The following DST variants were observed in gnomAD, a reference collection of about 807,000 sequenced individuals.
DST encodes dystonin, also known as bullous pemphigoid antigen.
In DST, 253 loss-of-function variants were observed where a neutral mutation model predicts 875.2. The ratio of observed to expected loss-of-function variants is 0.29; its 90% CI spans 0.26 to 0.32. The LOEUF (loss-of-function observed/expected upper bound fraction) is 0.32, where lower values mean the gene tolerates loss of function less well. DST is among the 10% of genes least tolerant of loss of function. DST has a pLI of 1.00. For missense variants in DST, 8,287 were observed against 9,111.6 expected (o/e 0.91, Z 3.68); for synonymous variants, 3,124 against 3,197.1 (o/e 0.98, Z 0.77).
intron 3 of DST, among the ~76,000 whole-genome samples, chr6:56,880,001 T>C (rs1781341486): frequency 6.6e-6 from 1 of 152,346 alleles, no homozygotes; most frequent in South Asian, 2.1e-4. Context: ...GATAAAGACA[T>C]TTTTAAAATT....
chr6:56,494,511 T>C (rs753659872), intron 82 of DST, among the ~76,000 whole-genome samples: 3 of 152,128 alleles, frequency 2.0e-5, no homozygotes, highest in Admixed American at 6.6e-5. Context: ...AGTAATTTCA[T>C]CTCTCTGAGC....
intron 30 of DST, 44 bp from the exon 31 acceptor site, chr6:56,630,427 T>C (rs745656953): frequency 3.3e-5 from 51 of 1,560,420 alleles, no homozygotes; most frequent in Non-Finnish European, 3.6e-5. Context: ...GTTAAATGTT[T>C]ATTTTTGCAT....
intron 32 of DST, among the ~76,000 whole-genome samples, chr6:56,628,898 C>CT (rs1285251925): frequency 2.6e-5 from 4 of 152,162 alleles, no homozygotes; most frequent in African/African-American, 9.7e-5. Flanking sequence ...AGAAGCTACA[C>CT]ACAGCCCTAT....
chr6:56,814,459 G>A (rs1474593353), intron 4 of DST, among the ~76,000 whole-genome samples: 1 of 152,182 alleles, frequency 6.6e-6, no homozygotes, highest in Non-Finnish European at 1.5e-5. Flanking sequence ...CCGTCCTGGT[G>A]ACAGAAATAG....
chr6:56,838,576 A>T lies in DST; in HGVS notation c.625+12821T>A, dbSNP rs183522969. On this transcript the variant is annotated intron_variant, in intron 4 of 103. Transcript: ENST00000680361. ...AAACAACAACAAAAAAAAAACCTAG[A>T]AGTTTTAAAAAGCATAAGCCTTCTT... Among the ~76,000 whole-genome samples, 59 of 152,334 alleles carry T rather than the reference A, an allele frequency of 3.9e-4. 1 individual carries two copies. In the South Asian group the frequency reaches 5.4e-3, roughly 14 times the overall value.
At chr6:56,728,601 A>C (rs1302628930) in intron 5 of DST, among the ~76,000 whole-genome samples, 1 of 152,124 alleles carries the variant, frequency 6.6e-6, no homozygotes, top group Non-Finnish European at 1.5e-5. Flanking sequence ...ACCTGAATCC[A>C]GGAGGGAGAG....
intron 50 of DST, among the ~76,000 whole-genome samples, chr6:56,578,543 G>A (rs1187504304): frequency 6.6e-6 from 1 of 152,032 alleles, no homozygotes; most frequent in Admixed American, 6.6e-5. Context: ...TTCCTGTGGT[G>A]GACATTACAT....
intron 4 of DST, among the ~76,000 whole-genome samples, chr6:56,816,398 T>C (rs2099766543): frequency 6.6e-6 from 1 of 152,168 alleles, no homozygotes; most frequent in Non-Finnish European, 1.5e-5. Context: ...CTACAGCCCC[T>C]TTAATATGCC....
intron 9 of DST, among the ~76,000 whole-genome samples, chr6:56,689,177 G>A (rs2099209791): frequency 6.6e-6 from 1 of 152,080 alleles, no homozygotes; most frequent in Non-Finnish European, 1.5e-5. Flanking sequence ...GTTGGGGAGT[G>A]CTTGGAATAT....
rs748463965 is a variant in DST, at chr6:56,536,862, T to C, written c.16687A>G (p.Ser5563Gly). The change falls in exon 62 of 104, where the codon AGT becomes GGT. Residue 5563 changes from serine to glycine, a missense_variant. Coordinates refer to ENST00000680361, the MANE Select transcript of DST (RefSeq NM_001374736.1). ...VNWLGQGLIQ[S>G]AAKSTSTQGL... Reference sequence around the variant, plus strand: ...TGAGTGCTAGTGCTTTTGGCAGCACTCTGAATAAGGCCTTGACCTAACCAG... The same window carrying C: ...TGAGTGCTAGTGCTTTTGGCAGCACCCTGAATAAGGCCTTGACCTAACCAG... 1.2e-6 allele frequency: 2 copies of C among 1,613,650 alleles called. No homozygotes were observed. The highest frequency in any genetic ancestry group is 1.3e-5 in the African/African-American group (1 of 75,054).
intron 4 of DST, among the ~76,000 whole-genome samples, chr6:56,831,215 A>C (rs999995210): frequency 2.0e-5 from 3 of 152,232 alleles, no homozygotes; most frequent in African/African-American, 7.2e-5. Flanking sequence ...CTTATTTCTC[A>C]GTACTAAACC....
chr6:56,721,269 A>G (rs1013294520), intron 5 of DST, among the ~76,000 whole-genome samples: 3 of 152,206 alleles, frequency 2.0e-5, no homozygotes, highest in African/African-American at 7.2e-5. Flanking sequence ...CAGATTTCAT[A>G]TTGTTCAAAC....
At chr6:56,923,463 C>CAAAA (rs57118743) in intron 2 of DST, among the ~76,000 whole-genome samples, 838 of 48,678 alleles carry the variant, frequency 0.017, 71 homozygotes, top group African/African-American at 0.053. Context: ...GGCTCACTGG[C>CAAAA]AAAAAAAAAA....
chr6:56,517,115 GAGA>G lies in DST; in HGVS notation c.18357+80_18357+82del, dbSNP rs2096609192. 2.7e-5 allele frequency: 26 copies of G among 976,664 alleles called. No homozygotes were observed. The South Asian group carries it at 3.5e-4, about 13-fold the overall frequency. The allele number at this position is 976,664 out of a possible 1,614,324, so 60.5% of individuals were successfully genotyped here. A position where few individuals can be genotyped will look rare whatever the true frequency, so the allele number is the denominator to read the frequency against. On this transcript the variant is annotated intron_variant, in intron 71 of 103. Transcript: ENST00000680361. The stretch of plus-strand genomic sequence containing the variant: ...GCTTAAATGGCAGCTGTGGATAACG[GAGA>G]AGTGTTTTTCTAGGACTGAAAGCTC...
chr6:56,627,343 C>T, intron 33 of DST, 56 bp from the exon 34 acceptor site: 2 of 1,212,576 alleles, frequency 1.6e-6, no homozygotes, highest in South Asian at 2.4e-5. Context: ...TATTCTACTA[C>T]ATAAGATGCT....
chr6:56,893,694 G>T (rs1458886187), intron 3 of DST, among the ~76,000 whole-genome samples: 1 of 68,548 alleles, frequency 1.5e-5, no homozygotes, highest in Non-Finnish European at 2.5e-5. Flanking sequence ...AAGGTCAGCA[G>T]ATAAACAAGT....
rs549888631 is a variant in DST, at chr6:56,580,798, T to C, written c.12904-1861A>G. Among the ~76,000 whole-genome samples, 274 of 145,574 alleles carry C rather than the reference T, an allele frequency of 1.9e-3. 1 individual carries two copies. The highest frequency in any genetic ancestry group is 3.7e-3 in the Admixed American group (53 of 14,198). ...CCCAGGCTGGAGTGCACTGGTACAG[T>C]CTTGGCTCACTGAAGCCTTGACCTC... On this transcript the variant is annotated intron_variant, in intron 49 of 103. Coordinates refer to ENST00000680361, the MANE Select transcript of DST (RefSeq NM_001374736.1).
chr6:56,597,956 A>T lies in DST; in HGVS notation c.11979T>A (p.Leu3993=), dbSNP rs2098407202. The T allele has an allele frequency of 6.2e-7, 1 of 1,612,242 alleles. No individual in the cohort carries two copies. Among genetic ancestry groups the T allele is most frequent in the Non-Finnish European group, 8.5e-7 (1 of 1,178,950 alleles). The change falls in exon 47 of 104, where the codon CTT becomes CTA. Residue 3993 remains leucine (L), a synonymous_variant. Coordinates refer to ENST00000680361, the MANE Select transcript of DST (RefSeq NM_001374736.1). ...LEESKTKIEN[L]LDWLSNVDKD... ...TGTCAACATTTGACAACCAGTCCAA[A>T]AGGTTTTCTATTTTGGTTTTGCTCT...
chr6:56,836,833 A>T (rs1177100341), intron 4 of DST, among the ~76,000 whole-genome samples: 1 of 149,356 alleles, frequency 6.7e-6, no homozygotes, highest in African/African-American at 2.5e-5. Flanking sequence ...CCTGGGCCAC[A>T]GAGAGAGACT....
Sources: allele counts gnomAD v4.1 joint callset (sites outside exome capture counted in the v4.1 genomes callset), GRCh38; gene constraint gnomAD v4.1.1; transcripts MANE v1.5; gene names NCBI Gene and HGNC (gene_info 2026-07-23, HGNC 2026-07-21).